Variants in PDIA6 observed in about 807,000 individuals in gnomAD.
PDIA6 encodes protein disulfide isomerase family A member 6, also known as protein disulfide-isomerase A6.
In PDIA6, 29 loss-of-function variants were observed where a neutral mutation model predicts 58.4. The observed-to-expected ratio is 0.50, with a 90% confidence interval of 0.37 to 0.68. PDIA6 has a LOEUF of 0.68. Ranked by LOEUF, PDIA6 falls within the 30% of genes least tolerant of loss-of-function variation. The pLI is 0.00. For synonymous variants in PDIA6, 192 were observed against 202.6 expected, an observed-to-expected ratio of 0.95 and a Z score of 0.44; for missense variants, 480 against 551.0, an observed-to-expected ratio of 0.87 and a Z score of 1.29.
Position 10,790,625 on chromosome 2 carries a change from T to A in PDIA6, c.699+94A>T, listed in dbSNP as rs373191714. 32 of 846,944 alleles carry A rather than the reference T, an allele frequency of 3.8e-5. 1 individual carries two copies. In the African/African-American group the frequency reaches 5.0e-4, roughly 13 times the overall value. The allele number at this position is 846,944 out of a possible 1,614,324, so 52.5% of individuals were successfully genotyped here. A position where few individuals can be genotyped will look rare whatever the true frequency, so the allele number is the denominator to read the frequency against. On this transcript the variant is annotated intron_variant, in intron 7 of 12. Transcript: ENST00000272227. ...TCACTTACAAAATGGTTTAAACATCTCCTTTACTACCTCATAGGGAGGCCT... is the reference window on the plus strand; with the variant it reads ...TCACTTACAAAATGGTTTAAACATCACCTTTACTACCTCATAGGGAGGCCT...
intron 4 of PDIA6, among the ~76,000 whole-genome samples, chr2:10,793,561 A>G (rs920815389): frequency 1.3e-5 from 2 of 152,076 alleles, no homozygotes; most frequent in South Asian, 2.1e-4. Flanking sequence ...ACAGGATTTC[A>G]CCATGTCGGC....
intron 1 of PDIA6, among the ~76,000 whole-genome samples, chr2:10,806,629 A>AAAGAAG (rs1491187872): frequency 4.3e-5 from 3 of 69,206 alleles, no homozygotes; most frequent in Admixed American, 1.6e-4. Flanking sequence ...AAATAAAGAC[A>AAAGAAG]GAAAGAAAGA....
upstream of PDIA6, among the ~76,000 whole-genome samples, chr2:10,817,308 C>A (rs955520255): frequency 2.0e-5 from 3 of 152,208 alleles, no homozygotes; most frequent in East Asian, 3.8e-4. Context: ...GCTGTTACAA[C>A]ACGGCAGGTA....
upstream of PDIA6, among the ~76,000 whole-genome samples, chr2:10,817,310 CG>C (rs1667227464): frequency 6.6e-6 from 1 of 152,198 alleles, no homozygotes; most frequent in South Asian, 2.1e-4. Flanking sequence ...TGTTACAACA[CG>C]GCAGGTAGAA....
At chr2:10,810,504 T>C (rs1183415646) in intron 1 of PDIA6, 4 of 1,217,208 alleles carry the variant, frequency 3.3e-6, no homozygotes, top group Non-Finnish European at 4.1e-6. Flanking sequence ...ACTGACAGTA[T>C]TAAGATAGAC....
At chr2:10,815,450 C>A (rs1302901287), upstream of PDIA6, 1 of 152,218 alleles carries the variant, frequency 6.6e-6, no homozygotes, top group Non-Finnish European at 1.5e-5. Flanking sequence ...GTAAAATATA[C>A]ATGCAGTTTT....
chr2:10,817,269 C>G (rs1401587503), upstream of PDIA6, among the ~76,000 whole-genome samples: 1 of 152,242 alleles, frequency 6.6e-6, no homozygotes, highest in Non-Finnish European at 1.5e-5. Flanking sequence ...CAGCAAGTCA[C>G]TTGCCCTGCC....
At chr2:10,816,165 C>A (rs1324965927), upstream of PDIA6, among the ~76,000 whole-genome samples, 1 of 146,280 alleles carries the variant, frequency 6.8e-6, no homozygotes, top group South Asian at 2.2e-4. Flanking sequence ...TCACTGCAAC[C>A]TTTGCCTCCC....
chr2:10,812,808 C>T, upstream of PDIA6: 1 of 1,194,114 alleles, frequency 8.4e-7, no homozygotes, highest in Non-Finnish European at 1.0e-6. Flanking sequence ...TCCGGTGGTC[C>T]GAGGGGCGGC....
At chr2:10,813,149 T>C (rs1667084234), upstream of PDIA6, among the ~76,000 whole-genome samples, 1 of 151,990 alleles carries the variant, frequency 6.6e-6, no homozygotes, top group African/African-American at 2.4e-5. Flanking sequence ...ACCCTCTTTA[T>C]CCCGGGGGAG....
At chr2:10,833,666 T>G (rs1239665564), upstream of PDIA6, among the ~76,000 whole-genome samples, 1 of 152,198 alleles carries the variant, frequency 6.6e-6, no homozygotes, top group South Asian at 2.1e-4. Flanking sequence ...ACATCCCTCT[T>G]ATACCCATAC....
At chr2:10,819,439 A>G (rs923705091) in intron 1 of PDIA6, 3 of 808,088 alleles carry the variant, frequency 3.7e-6, no homozygotes, top group Non-Finnish European at 6.1e-6. Flanking sequence ...GGCTCCACGT[A>G]TTTACATCTG....
chr2:10,790,891 C>A, intron 6 of PDIA6, 58 bp from the exon 7 acceptor site: 1 of 1,321,796 alleles, frequency 7.6e-7, no homozygotes, highest in South Asian at 1.2e-5. Flanking sequence ...TCTCTGTTGC[C>A]CAGGCTGGAG....
chr2:10,791,628 G>A (rs1396034893), intron 6 of PDIA6, among the ~76,000 whole-genome samples, 167 bp downstream of exon 6: 1 of 152,326 alleles, frequency 6.6e-6, no homozygotes, highest in Non-Finnish European at 1.5e-5. Flanking sequence ...ATAGGAGAGT[G>A]GAAGCTCTTG....
At chr2:10,795,491 ACGAAG>A (rs1666227432) in intron 4 of PDIA6, among the ~76,000 whole-genome samples, 1 of 42,624 alleles carries the variant, frequency 2.3e-5, no homozygotes, top group Non-Finnish European at 8.5e-5. Context: ...TCATCTTCAG[ACGAAG>A]ACGAAGACGA....
chr2:10,797,324 G>A, intron 3 of PDIA6, 117 bp from the exon 4 acceptor site: 2 of 975,714 alleles, frequency 2.0e-6, no homozygotes, highest in Non-Finnish European at 3.0e-6. Flanking sequence ...GGTGCAGTTT[G>A]CAATCAGTCA....
upstream of PDIA6, among the ~76,000 whole-genome samples, chr2:10,816,382 G>A (rs988739281): frequency 7.7e-6 from 1 of 129,594 alleles, no homozygotes; most frequent in African/African-American, 3.0e-5. Context: ...CACCATGCCC[G>A]GCCTGTATCA....
At chr2:10,784,869 G>T in intron 12 of PDIA6, 65 bp downstream of exon 12, 1 of 1,191,188 alleles carries the variant, frequency 8.4e-7, no homozygotes, top group Non-Finnish European at 1.2e-6. Context: ...CAGGTGCAGA[G>T]ATGCACAGGC....
chr2:10,798,717 C>G (rs376962871), intron 2 of PDIA6, among the ~76,000 whole-genome samples: 67 of 152,264 alleles, frequency 4.4e-4, no homozygotes, highest in South Asian at 4.4e-3. Flanking sequence ...AGCCTAGGCA[C>G]GATGCAGATT....
Sources: allele counts gnomAD v4.1 joint callset (sites outside exome capture counted in the v4.1 genomes callset), GRCh38; gene constraint gnomAD v4.1.1; transcripts MANE v1.5; gene names NCBI Gene and HGNC (gene_info 2026-07-23, HGNC 2026-07-21).